CHRNG: variants seen among roughly 807,000 people sequenced by gnomAD.
CHRNG encodes acetylcholine receptor subunit gamma.
In CHRNG, 72 loss-of-function variants were observed where a neutral mutation model predicts 65.2. The ratio of observed to expected loss-of-function variants is 1.10; its 90% CI spans 0.91 to 1.34. The LOEUF is 1.34. Among genes scored for constraint, CHRNG ranks in the 40% most tolerant of loss-of-function variants. The pLI is 0.00. For missense variants in CHRNG, 637 were observed against 680.1 expected (o/e 0.94, Z 0.70); for synonymous variants, 284 against 290.2 (o/e 0.98, Z 0.22).
chr2:232,542,731 A>C (rs1574644907), intron 6 of CHRNG, 151 bp from the exon 7 acceptor site: 1 of 743,064 alleles, frequency 1.3e-6, no homozygotes, highest in Admixed American at 2.1e-5. Context: ...TCGAGCATCC[A>C]ATCTCCCACC....
chr2:232,545,176 G>A (rs1039885248), intron 11 of CHRNG, among the ~76,000 whole-genome samples: 6 of 152,040 alleles, frequency 3.9e-5, no homozygotes, highest in Non-Finnish European at 5.9e-5. Flanking sequence ...GTGTGGTGGC[G>A]GGCACCTGTA....
In CHRNG at chr2:232,544,816, A is replaced by C. The variant is rs2106223154; in HGVS notation, c.1294A>C (p.Lys432Gln). The C allele has an allele frequency of 6.2e-7, 1 of 1,613,396 alleles. No homozygotes were observed. Among genetic ancestry groups the C allele is most frequent in the South Asian group, 1.1e-5 (1 of 91,070 alleles). Residue 432 changes from lysine (K) to glutamine (Q), a missense_variant, in exon 11 of 12, where the codon AAG (lysine) becomes CAG (glutamine). Physicochemically the swap from Lys to Gln is moderately conservative, Grantham distance 53 (BLOSUM62 1). Transcript: ENST00000651502. The part of the protein sequence containing the change: ...LGLSQFCGSL[K>Q]QAAPAIQACV... ...GCTGAGCCAGTTCTGTGGCAGCCTG[A>C]AGCAGGCTGCCCCAGCCATCCAGGC...
In CHRNG at chr2:232,544,608, C is replaced by T. The variant is rs774618237; in HGVS notation, c.1249+28C>T. 25 of 1,591,676 alleles carry T rather than the reference C, an allele frequency of 1.6e-5. No individual in the cohort carries two copies. In the East Asian group the frequency reaches 4.0e-4, roughly 26 times the overall value. On this transcript the variant is annotated intron_variant, in intron 10 of 11. Transcript: ENST00000651502. ...GAGACACACCAGGTGTGCCTGGGGA[C>T]AGTCCTCCCCTGGGACCCCAGCTGG...
chr2:232,540,659 C>T lies in CHRNG; in HGVS notation c.298C>T (p.Leu100=). 6.2e-7 allele frequency: 1 copy of T among 1,613,206 alleles called. No individual in the cohort carries two copies. The highest frequency in any genetic ancestry group is 8.5e-7 in the Non-Finnish European group (1 of 1,179,986). The part of the protein sequence containing the change: ...DPRDYEGLWV[L]RVPSTMVWRP... ...GCGAGACTACGAAGGCCTGTGGGTG[C>T]TGAGGGTGCCGTCCACCATGGTGTG... The change falls in exon 4 of 12, where the codon CTG becomes TTG. Residue 100 remains leucine (L), a synonymous_variant. Coordinates refer to ENST00000651502, the MANE Select transcript of CHRNG (RefSeq NM_005199.5). The surrounding 1 kb of genome is among the most constrained non-coding windows in gnomAD (Gnocchi z 4.2).
rs1363441620 is a variant in CHRNG at position 232,540,918 on chromosome 2, C to T, written c.350+207C>T. Among the ~76,000 whole-genome samples, 7 of 152,100 alleles carry T rather than the reference C, an allele frequency of 4.6e-5. No homozygotes were observed. Among genetic ancestry groups the T allele is most frequent in the South Asian group, 2.1e-4 (1 of 4,834 alleles). On this transcript the variant is annotated intron_variant, in intron 4 of 11. Transcript: ENST00000651502. This position sits in a 1 kb window ranked among gnomAD's most constrained non-coding sequence, Gnocchi z 4.2. ...CCCAGGGCCAGCAGAGCAGACCCTA[C>T]GCCAGGCTCCATCTCCTCTGGGCTG...
At position 232,545,614 on chromosome 2, in the gene CHRNG, C is replaced by T; in HGVS notation, c.1452C>T (p.Phe484=). 4.3e-6 allele frequency: 7 copies of T among 1,614,160 alleles called. No individual in the cohort carries two copies. Among genetic ancestry groups the T allele is most frequent in the Non-Finnish European group, 5.9e-6 (7 of 1,180,022 alleles). Residue 484 remains phenylalanine (F), a synonymous_variant, in exon 12 of 12, where the codon TTC becomes TTT. Coordinates refer to ENST00000651502, the MANE Select transcript of CHRNG (RefSeq NM_005199.5). ...GCTTCCTGGCCATGCTCTCGCTCTTCATCTGTGGCACAGCTGGCATCTTCC... is the reference window on the plus strand; with the variant it reads ...GCTTCCTGGCCATGCTCTCGCTCTTTATCTGTGGCACAGCTGGCATCTTCC... ...RVCFLAMLSL[F]ICGTAGIFLM...
chr2:232,540,774 A>G lies in CHRNG; in HGVS notation c.350+63A>G, dbSNP rs1259818893. ...GGACACAGGGTCTGGGCCCAGCAGA[A>G]CAAGGCACTCTGGGAAAAGAGAAAG... On this transcript the variant is annotated intron_variant, in intron 4 of 11. Coordinates refer to ENST00000651502, the MANE Select transcript of CHRNG (RefSeq NM_005199.5). This position sits in a 1 kb window ranked among gnomAD's most constrained non-coding sequence, Gnocchi z 4.2. 5 of 1,407,880 alleles carry G rather than the reference A, an allele frequency of 3.6e-6. No homozygotes were observed. The highest frequency in any genetic ancestry group is 4.9e-6 in the Non-Finnish European group (5 of 1,015,194). 87.2% of individuals were successfully genotyped at this position (1,407,880 alleles called of 1,614,324 possible).
chr2:232,544,975 T>G, intron 11 of CHRNG, 73 bp downstream of exon 11: 1 of 1,597,728 alleles, frequency 6.3e-7, no homozygotes, highest in Non-Finnish European at 8.5e-7. Flanking sequence ...ACAGGATGAG[T>G]GGGGTTGCCA....
At chr2:232,543,410 C>T in intron 8 of CHRNG, 21 bp downstream of exon 8, 1 of 1,536,682 alleles carries the variant, frequency 6.5e-7, no homozygotes. Context: ...TCTTCATGTC[C>T]ACCCGCCTAT....
Position 232,546,995 on chromosome 2 carries a change from G to A in CHRNG, c.*1279G>A, listed in dbSNP as rs1692144612. 2.0e-5 allele frequency among the ~76,000 whole-genome samples: 3 copies of A among 152,086 alleles called. No homozygotes were observed. Among genetic ancestry groups the A allele is most frequent in the Admixed American group, 2.0e-4 (3 of 15,274 alleles). ...GGGGTCTTCCTGGGGGAGAGGCAAGGTCCTGCTCTGAGATTACAGCCGGCA... is the reference window on the plus strand; with the variant it reads ...GGGGTCTTCCTGGGGGAGAGGCAAGATCCTGCTCTGAGATTACAGCCGGCA... On this transcript the variant is annotated 3_prime_UTR_variant, in exon 12 of 12. Transcript: ENST00000651502.
chr2:232,545,482 C>G, intron 11 of CHRNG, 61 bp from the exon 12 acceptor site: 1 of 1,467,698 alleles, frequency 6.8e-7, no homozygotes, highest in Non-Finnish European at 9.4e-7. Context: ...AGGATGAGAA[C>G]AGGACCCAGG....
Position 232,545,897 on chromosome 2 carries a change from T to C in CHRNG, c.*181T>C, listed in dbSNP as rs944288485. The C allele has an allele frequency of 1.7e-5, 13 of 750,462 alleles. No homozygotes were observed. Among genetic ancestry groups the C allele is most frequent in the African/African-American group, 5.2e-5 (3 of 58,246 alleles). The allele number at this position is 750,462 out of a possible 1,614,324, so 46.5% of individuals were successfully genotyped here. On this transcript the variant is annotated 3_prime_UTR_variant, in exon 12 of 12. Coordinates refer to ENST00000651502, the MANE Select transcript of CHRNG (RefSeq NM_005199.5). ...AGTCTGAGCTGGAGTCCGAGAGTGG[T>C]TGGGGGTGGGCCGTGGCTAGTGTCC... is the stretch of plus-strand genomic sequence containing the variant.
At chr2:232,544,974 G>A in intron 11 of CHRNG, 72 bp downstream of exon 11, 5 of 1,600,166 alleles carry the variant, frequency 3.1e-6, no homozygotes, top group East Asian at 2.2e-5. Flanking sequence ...GACAGGATGA[G>A]TGGGGTTGCC....
At position 232,547,985 on chromosome 2, in the gene CHRNG, A is replaced by G; in HGVS notation, c.*2269A>G. ...GTCACATGAATGTTTTTGGTTTCCCAATGCATATAAAAGTTATGTTTACAC... is the reference window on the plus strand; with the variant it reads ...GTCACATGAATGTTTTTGGTTTCCCGATGCATATAAAAGTTATGTTTACAC... On this transcript the variant is annotated 3_prime_UTR_variant, in exon 12 of 12. Transcript: ENST00000651502. The G allele has an allele frequency of 4.5e-6, 2 of 446,056 alleles. No individual in the cohort carries two copies. The highest frequency in any genetic ancestry group is 7.8e-6 in the Non-Finnish European group (2 of 255,346). The allele number at this position is 446,056 out of a possible 1,614,324, so 27.6% of individuals were successfully genotyped here.
chr2:232,539,883 T>C lies in CHRNG; in HGVS notation c.55+81T>C, dbSNP rs1691977551. 3.7e-6 allele frequency: 6 copies of C among 1,608,410 alleles called. No individual in the cohort carries two copies. The African/African-American group carries it at 4.0e-5, about 11-fold the overall frequency. ...CAGGGGATGGAGGGTCTGAGGGGTA[T>C]TGGGGCCTGCCCTGGACCCAGTTCC... On this transcript the variant is annotated intron_variant, in intron 1 of 11. Transcript: ENST00000651502.
intron 8 of CHRNG, 95 bp downstream of exon 8, chr2:232,543,484 C>CCA: frequency 8.5e-7 from 1 of 1,178,098 alleles, no homozygotes; most frequent in Non-Finnish European, 1.2e-6. Context: ...CCATCCACCC[C>CCA]CCCCATCCTC....
chr2:232,542,643 A>T (rs773839306), intron 6 of CHRNG, 123 bp downstream of exon 6: 1 of 761,138 alleles, frequency 1.3e-6, no homozygotes, highest in Non-Finnish European at 2.3e-6. Context: ...ACTACAGCAA[A>T]CCATAAAATA....
chr2:232,544,975 T>C (rs1692097732), intron 11 of CHRNG, 73 bp downstream of exon 11: 3 of 1,597,728 alleles, frequency 1.9e-6, no homozygotes, highest in Non-Finnish European at 2.6e-6. Context: ...ACAGGATGAG[T>C]GGGGTTGCCA....
At position 232,545,850 on chromosome 2, in the gene CHRNG, C is replaced by A; in HGVS notation, c.*134C>A. 9.6e-7 allele frequency: 1 copy of A among 1,037,102 alleles called. No homozygotes were observed. Among genetic ancestry groups the A allele is most frequent in the Non-Finnish European group, 1.5e-6 (1 of 681,804 alleles). The allele number at this position is 1,037,102 out of a possible 1,614,324, so 64.2% of individuals were successfully genotyped here. A position where few individuals can be genotyped will look rare whatever the true frequency, so the allele number is the denominator to read the frequency against. On this transcript the variant is annotated 3_prime_UTR_variant, in exon 12 of 12. Coordinates refer to ENST00000651502, the MANE Select transcript of CHRNG (RefSeq NM_005199.5). ...CTTCAGGACTGTGTGAGCCAAACAG[C>A]CCTGAGAAAAGCTGGGGAAACAGTC...
Sources: allele counts gnomAD v4.1 joint callset (sites outside exome capture counted in the v4.1 genomes callset), GRCh38; gene constraint gnomAD v4.1.1; non-coding constraint Gnocchi (gnomAD v3.1); transcripts MANE v1.5; gene names NCBI Gene and HGNC (gene_info 2026-07-23, HGNC 2026-07-21).